IL6R: variants seen among roughly 807,000 people sequenced by gnomAD.
The protein encoded by IL6R is interleukin 6 receptor.
IL6R carries 38 observed loss-of-function variants against 48.3 expected under a neutral mutation model. The ratio of observed to expected loss-of-function variants is 0.79; its 90% confidence interval spans 0.61 to 1.03. The LOEUF (loss-of-function observed/expected upper bound fraction) is 1.03. Among genes scored for constraint, IL6R ranks in the 50% least tolerant of loss-of-function variants. The probability of loss-of-function intolerance (pLI) is 0.00; values close to 1 mark genes in which losing one functional copy is unlikely to be tolerated. For synonymous variants in IL6R, 264 were observed against 256.2 expected (o/e 1.03, Z -0.29); for missense variants, 534 against 618.3 (o/e 0.86, Z 1.45).
chr1:154,467,215 T>C lies in IL6R; in HGVS notation c.*1835T>C, dbSNP rs1213927805. On this transcript the variant is annotated 3_prime_UTR_variant, in exon 10 of 10. Coordinates refer to ENST00000368485, the MANE Select transcript of IL6R (RefSeq NM_000565.4). ...TTGAGTTGATTCAGCTCTGCAAGAA[T>C]TGAAGCAGGACTAAATGTCTAGTTG... The C allele has an allele frequency of 6.6e-6, 1 of 152,264 alleles. No individual in the cohort carries two copies. The highest frequency in any genetic ancestry group is 1.5e-5 in the Non-Finnish European group (1 of 68,048). 9.4% of individuals were successfully genotyped at this position (152,264 alleles called of 1,614,324 possible). A position where few individuals can be genotyped will look rare whatever the true frequency, so the allele number is the denominator to read the frequency against.
Position 154,467,740 on chromosome 1 carries a change from T to A in IL6R, c.*2360T>A, listed in dbSNP as rs1691623334. The A allele has an allele frequency of 6.6e-6, 1 of 152,104 alleles. No individual in the cohort carries two copies. Among genetic ancestry groups the A allele is most frequent in the Non-Finnish European group, 1.5e-5 (1 of 68,020 alleles). The allele number at this position is 152,104 out of a possible 1,614,324, so 9.4% of individuals were successfully genotyped here. On this transcript the variant is annotated 3_prime_UTR_variant, in exon 10 of 10. Coordinates refer to ENST00000368485, the MANE Select transcript of IL6R (RefSeq NM_000565.4). Reference sequence around the variant, plus strand: ...ACATAGTGAGACACCATCTCTATTATGAACAATAACAGTTAAGAAAAAAAA... The same window carrying A: ...ACATAGTGAGACACCATCTCTATTAAGAACAATAACAGTTAAGAAAAAAAA...
chr1:154,419,658 C>G (rs1289685322), intron 1 of IL6R, among the ~76,000 whole-genome samples: 1 of 152,168 alleles, frequency 6.6e-6, no homozygotes, highest in African/African-American at 2.4e-5. Flanking sequence ...ACGAGCCAAG[C>G]CTGTGTCCTC....
chr1:154,410,670 C>T (rs1029179789), intron 1 of IL6R, among the ~76,000 whole-genome samples: 15 of 152,196 alleles, frequency 9.9e-5, no homozygotes, highest in African/African-American at 9.7e-5. Flanking sequence ...TCAGGCTTGA[C>T]GTTAGCTGGA....
rs1691517244 is a variant in IL6R at position 154,465,551 on chromosome 1, G to A, written c.*171G>A. 4.3e-6 allele frequency: 3 copies of A among 693,716 alleles called. No homozygotes were observed. Among genetic ancestry groups the A allele is most frequent in the Non-Finnish European group, 7.2e-6 (3 of 417,452 alleles). 43.0% of individuals were successfully genotyped at this position (693,716 alleles called of 1,614,324 possible). ...GCCAGGGGAAAATCAGCCTGCTCCA[G>A]CTGTTCAGCTGGTTGAGGTTTCAAA... On this transcript the variant is annotated 3_prime_UTR_variant, in exon 10 of 10. Coordinates refer to ENST00000368485, the MANE Select transcript of IL6R (RefSeq NM_000565.4).
chr1:154,408,009 C>T (rs1006712143), intron 1 of IL6R, among the ~76,000 whole-genome samples: 3 of 152,288 alleles, frequency 2.0e-5, no homozygotes, highest in South Asian at 2.1e-4. Flanking sequence ...TACCCACACA[C>T]GTGCCTAGCC....
At chr1:154,465,038 C>A in intron 9 of IL6R, 96 bp from the exon 10 acceptor site, 1 of 1,482,886 alleles carries the variant, frequency 6.7e-7, no homozygotes, top group Non-Finnish European at 9.4e-7. Context: ...GCGCGCCAGG[C>A]CACCAGGGCA....
intron 1 of IL6R, among the ~76,000 whole-genome samples, chr1:154,428,679 C>T (rs1473087259): frequency 6.6e-6 from 1 of 152,192 alleles, no homozygotes; most frequent in Non-Finnish European, 1.5e-5. Context: ...TTCGTAATTA[C>T]ATGGCAGCGT....
intron 1 of IL6R, among the ~76,000 whole-genome samples, chr1:154,417,632 C>T (rs564714179): frequency 9.6e-4 from 145 of 151,792 alleles, no homozygotes; most frequent in Non-Finnish European, 1.7e-3. Flanking sequence ...TGCAGTGGTG[C>T]GATCTCGGCT....
At chr1:154,454,436 T>C (rs1690755836) in intron 8 of IL6R, 52 bp from the exon 9 acceptor site, 2 of 1,204,510 alleles carry the variant, frequency 1.7e-6, no homozygotes, top group African/African-American at 3.0e-5. Context: ...CTATTCCTTT[T>C]TCTCCATATT....
At position 154,416,589 on chromosome 1, in the gene IL6R, G is replaced by A. The variant is rs4075016; in HGVS notation, c.85+10875G>A. On this transcript the variant is annotated intron_variant, in intron 1 of 9. Transcript: ENST00000368485. ...CGACATTCAGGTCTCACTGAGGGGA[G>A]ATGTGCCCAGGACACTTCCACTGGA... Among the ~76,000 whole-genome samples the A allele has an allele frequency of 3.6e-3, 544 of 152,280 alleles. 4 individuals are homozygous for A. The highest frequency in any genetic ancestry group is 0.012 in the African/African-American group (510 of 41,544).
intron 6 of IL6R, among the ~76,000 whole-genome samples, chr1:154,438,690 A>G (rs916893015): frequency 2.6e-5 from 4 of 152,068 alleles, no homozygotes; most frequent in African/African-American, 9.7e-5. Context: ...GTGTGGGGTG[A>G]TGGCTCTTCC....
At chr1:154,441,132 G>A (rs1689910115) in intron 6 of IL6R, among the ~76,000 whole-genome samples, 1 of 152,220 alleles carries the variant, frequency 6.6e-6, no homozygotes, top group African/African-American at 2.4e-5. Flanking sequence ...GGAGTTCCCA[G>A]ACCTGCATCT....
At chr1:154,456,773 AGCAAGTAGATG>A (rs1690913303) in intron 9 of IL6R, among the ~76,000 whole-genome samples, 1 of 152,152 alleles carries the variant, frequency 6.6e-6, no homozygotes, top group Non-Finnish European at 1.5e-5. Context: ...GATCGTCACC[AGCAAGTAGATG>A]GCAATAAGAG....
chr1:154,428,885 G>C (rs1016718900), intron 1 of IL6R, among the ~76,000 whole-genome samples: 4 of 152,194 alleles, frequency 2.6e-5, no homozygotes, highest in East Asian at 1.9e-4. Context: ...TCCAAGGACA[G>C]AAGGGCCCTG....
At chr1:154,451,570 C>G (rs151169232) in intron 8 of IL6R, among the ~76,000 whole-genome samples, 1 of 152,058 alleles carries the variant, frequency 6.6e-6, no homozygotes, top group African/African-American at 2.4e-5. Flanking sequence ...AGGAGGGGAA[C>G]CTCCAGTCCT....
chr1:154,434,326 C>T (rs1194550235), intron 3 of IL6R, among the ~76,000 whole-genome samples, 193 bp from the exon 4 acceptor site: 3 of 152,014 alleles, frequency 2.0e-5, no homozygotes, highest in Non-Finnish European at 4.4e-5. Context: ...CAAAACAAAA[C>T]AAAAACTTAA....
intron 9 of IL6R, among the ~76,000 whole-genome samples, chr1:154,460,972 A>G (rs1691225200): frequency 1.3e-5 from 2 of 152,098 alleles, no homozygotes; most frequent in South Asian, 4.1e-4. Context: ...GCTCGCTGAT[A>G]TTTTTTGCAT....
intron 1 of IL6R, among the ~76,000 whole-genome samples, chr1:154,421,714 G>T (rs765619489): frequency 3.9e-5 from 6 of 152,070 alleles, no homozygotes; most frequent in African/African-American, 1.2e-4. Context: ...TGACCTCCTG[G>T]GCTCAAGTGA....
chr1:154,435,179 G>T (rs1360005094), intron 5 of IL6R, 23 bp downstream of exon 5: 25 of 1,610,866 alleles, frequency 1.6e-5, no homozygotes, highest in Non-Finnish European at 1.9e-5. Flanking sequence ...TTTACTTCTG[G>T]TCAGAGAGGC....
Sources: gnomAD v4.1 joint callset for allele counts (sites outside exome capture counted in the v4.1 genomes callset) on GRCh38, gnomAD v4.1.1 for gene constraint, MANE v1.5 for transcripts, NCBI Gene and HGNC (gene_info 2026-07-23, HGNC 2026-07-21) for gene names.